Variants in CPS1 observed in about 807,000 individuals in gnomAD.
CPS1 encodes carbamoyl-phosphate synthase [ammonia], mitochondrial.
In CPS1, 109 loss-of-function variants were observed where a neutral mutation model predicts 174.6. The observed-to-expected ratio is 0.62, with a 90% CI of 0.53 to 0.73. The LOEUF (loss-of-function observed/expected upper bound fraction) is 0.73. CPS1 is among the 30% of genes least tolerant of loss of function. The pLI, the probability that CPS1 is intolerant of heterozygous loss-of-function variation, is 0.00. For missense variants in CPS1, 1,689 were observed against 1,821.9 expected, an observed-to-expected ratio of 0.93 and a Z score of 1.33; for synonymous variants, 637 against 632.0, an observed-to-expected ratio of 1.01 and a Z score of -0.12.
intron 1 of CPS1, among the ~76,000 whole-genome samples, chr2:210,480,819 T>A (rs1182591045): frequency 2.0e-5 from 3 of 152,192 alleles, no homozygotes; most frequent in African/African-American, 7.2e-5. Flanking sequence ...TAAGCTTGAG[T>A]CTAATATCAC....
chr2:210,520,951 C>T (rs1393798375), intron 1 of CPS1, among the ~76,000 whole-genome samples: 1 of 151,966 alleles, frequency 6.6e-6, no homozygotes, highest in African/African-American at 2.4e-5. Context: ...TGTCATTTCT[C>T]TTGGGGGAAA....
In CPS1 at chr2:210,605,147, G is replaced by T. The variant is rs1235514908; in HGVS notation, c.1882G>T (p.Gly628Cys). Reference sequence around the variant, plus strand: ...AATTCTGGTGGAGAAGTCAGTGACAGGTTGGAAAGAAATAGAATATGAAGT... The same window carrying T: ...AATTCTGGTGGAGAAGTCAGTGACATGTTGGAAAGAAATAGAATATGAAGT... ...NQILVEKSVT[G>C]WKEIEYEVVR... Residue 628 changes from glycine to cysteine, a missense_variant, in exon 17 of 38, where the codon GGT (glycine) becomes TGT (cysteine). Coordinates refer to ENST00000233072, the MANE Select transcript of CPS1 (RefSeq NM_001875.5). The T allele has an allele frequency of 1.9e-6, 3 of 1,612,114 alleles. No individual in the cohort carries two copies. The highest frequency in any genetic ancestry group is 2.5e-6 in the Non-Finnish European group (3 of 1,178,792).
chr2:210,490,531 G>A (rs141228249), intron 1 of CPS1, among the ~76,000 whole-genome samples: 163 of 152,236 alleles, frequency 1.1e-3, no homozygotes, highest in African/African-American at 3.8e-3. Flanking sequence ...TCCTCTTCTC[G>A]TTGTAAAGTG....
rs113394579 is a variant in CPS1 at position 210,591,914 on chromosome 2, C to T, written c.1031C>T (p.Thr344Ile). 6 of 1,612,314 alleles carry T rather than the reference C, an allele frequency of 3.7e-6. No homozygotes were observed. Among genetic ancestry groups the T allele is most frequent in the Non-Finnish European group, 3.4e-6 (4 of 1,179,080 alleles). Residue 344 changes from threonine (T) to isoleucine (I), a missense_variant, in exon 10 of 38, where the codon ACC (threonine) becomes ATC (isoleucine). Coordinates refer to ENST00000233072, the MANE Select transcript of CPS1 (RefSeq NM_001875.5). ...AQNHGYALDN[T>I]LPAGWKPLFV... Reference sequence around the variant, plus strand: ...AATCATGGCTATGCCTTGGACAACACCCTCCCTGCTGGCTGGAAACCACTT... The same window carrying T: ...AATCATGGCTATGCCTTGGACAACATCCTCCCTGCTGGCTGGAAACCACTT...
chr2:210,573,998 G>A (rs1156304889), intron 2 of CPS1, among the ~76,000 whole-genome samples: 1 of 151,924 alleles, frequency 6.6e-6, no homozygotes, highest in Non-Finnish European at 1.5e-5. Flanking sequence ...TTTAAGACCT[G>A]CTAACATGTA....
At chr2:210,626,788 T>C (rs1365460311) in intron 21 of CPS1, among the ~76,000 whole-genome samples, 1 of 152,244 alleles carries the variant, frequency 6.6e-6, no homozygotes. Context: ...GATATGATTT[T>C]ATTAACCAGT....
intron 1 of CPS1, among the ~76,000 whole-genome samples, chr2:210,494,723 C>A (rs550474050): frequency 1.1e-4 from 17 of 152,102 alleles, no homozygotes; most frequent in Non-Finnish European, 2.1e-4. Context: ...CACAAGCTGT[C>A]TCCTTTTTGT....
intron 1 of CPS1, among the ~76,000 whole-genome samples, chr2:210,515,324 C>A (rs1371234229): frequency 6.8e-6 from 1 of 148,036 alleles, no homozygotes; most frequent in African/African-American, 2.4e-5. Context: ...AATCTATTTG[C>A]TGTAGAGCTT....
At chr2:210,524,355 A>T (rs1450939393) in intron 1 of CPS1, among the ~76,000 whole-genome samples, 1 of 152,002 alleles carries the variant, frequency 6.6e-6, no homozygotes, top group African/African-American at 2.4e-5. Flanking sequence ...GTATTAAATT[A>T]ACTTAACTAA....
intron 1 of CPS1, among the ~76,000 whole-genome samples, chr2:210,502,367 CTATA>C (rs1002525934): frequency 5.8e-4 from 65 of 111,932 alleles, no homozygotes; most frequent in African/African-American, 1.7e-3. Context: ...CTCTCTCTCT[CTATA>C]TATATATATT....
chr2:210,512,987 G>T (rs189333486), intron 1 of CPS1, among the ~76,000 whole-genome samples: 203 of 12,366 alleles, frequency 0.016, 54 homozygotes, highest in Non-Finnish European at 0.022. Context: ...TATATGGAGA[G>T]ATATATATAT....
chr2:210,494,919 A>C lies in CPS1; in HGVS notation c.3+17153A>C, dbSNP rs540598730. Among the ~76,000 whole-genome samples the C allele has an allele frequency of 3.9e-5, 6 of 152,286 alleles. No individual in the cohort carries two copies. In the South Asian group the frequency reaches 1.2e-3, roughly 32 times the overall value. ...ACACTGATGCTTGACAATATAAGGC[A>C]ATGGCTTTCAGCTATGGCTGCACAT... On this transcript the variant is annotated intron_variant, in intron 1 of 38. Transcript: ENST00000430249.
intron 1 of CPS1, among the ~76,000 whole-genome samples, chr2:210,563,827 G>A (rs1403843741): frequency 1.3e-5 from 2 of 152,300 alleles, no homozygotes; most frequent in Non-Finnish European, 2.9e-5. Context: ...CTCTCAATCA[G>A]TTTAGCATAG....
intron 32 of CPS1, 147 bp downstream of exon 32, chr2:210,660,802 A>C: frequency 1.2e-6 from 1 of 831,840 alleles, no homozygotes; most frequent in Non-Finnish European, 1.9e-6. Flanking sequence ...AATGTACTGC[A>C]GTTGTACTAT....
intron 20 of CPS1, among the ~76,000 whole-genome samples, chr2:210,615,957 G>A (rs563759349): frequency 4.6e-5 from 7 of 152,032 alleles, no homozygotes; most frequent in Non-Finnish European, 8.8e-5. Flanking sequence ...TTGTATGTTT[G>A]TGTGAATGTG....
intron 30 of CPS1, 104 bp downstream of exon 30, chr2:210,656,736 C>G: frequency 1.2e-6 from 1 of 801,404 alleles, no homozygotes; most frequent in South Asian, 1.5e-5. Context: ...GTAAGATATG[C>G]TGCAGGTTAA....
chr2:210,537,736 A>G (rs1055635659), intron 1 of CPS1, among the ~76,000 whole-genome samples: 3 of 152,164 alleles, frequency 2.0e-5, no homozygotes, highest in Admixed American at 6.5e-5. Context: ...TTCATCAGGT[A>G]CTGTTGATGG....
At chr2:210,596,912 T>C (rs545806581) in intron 13 of CPS1, among the ~76,000 whole-genome samples, 34 of 151,672 alleles carry the variant, frequency 2.2e-4, no homozygotes, top group African/African-American at 8.2e-4. Flanking sequence ...AGAAGGTTAA[T>C]AACTAGAGGT....
chr2:210,515,037 G>T (rs1178430875), intron 1 of CPS1, among the ~76,000 whole-genome samples: 1 of 151,726 alleles, frequency 6.6e-6, no homozygotes. Flanking sequence ...TACACCCTAG[G>T]AATGAAGGCT....
Sources: allele counts gnomAD v4.1 joint callset (sites outside exome capture counted in the v4.1 genomes callset), GRCh38; gene constraint gnomAD v4.1.1; transcripts MANE v1.5; gene names NCBI Gene and HGNC (gene_info 2026-07-23, HGNC 2026-07-21).